Variants in TRDMT1 observed in about 807,000 individuals in gnomAD.
The protein encoded by TRDMT1 is tRNA (cytosine(38)-C(5))-methyltransferase.
A neutral mutation model predicts 51.2 loss-of-function variants in TRDMT1; 49 were observed. The ratio of observed to expected loss-of-function variants is 0.96; its 90% CI spans 0.76 to 1.21. The LOEUF (loss-of-function observed/expected upper bound fraction) is 1.21. Among genes scored for constraint, TRDMT1 ranks in the 50% most tolerant of loss-of-function variants. The probability of loss-of-function intolerance (pLI) is 0.00; values close to 1 mark genes in which losing one functional copy is unlikely to be tolerated. For synonymous variants in TRDMT1, 187 were observed against 164.6 expected (o/e 1.14, Z -1.04); for missense variants, 534 against 462.3 (o/e 1.16, Z -1.42).
At chr10:17,200,967 A>G (rs1846075412) in intron 1 of TRDMT1, among the ~76,000 whole-genome samples, 1 of 152,228 alleles carries the variant, frequency 6.6e-6, no homozygotes, top group South Asian at 2.1e-4. Flanking sequence ...CCAACGTCAC[A>G]CTGCCACCAA....
At chr10:17,177,786 ATTC>A (rs1409962558) in intron 1 of TRDMT1, among the ~76,000 whole-genome samples, 1 of 151,224 alleles carries the variant, frequency 6.6e-6, no homozygotes, top group Admixed American at 6.6e-5. Context: ...TTTTCTGATG[ATTC>A]TTCTTTCTGG....
intron 1 of TRDMT1, 56 bp from the exon 2 acceptor site, chr10:17,174,716 A>G (rs1233175468): frequency 7.7e-7 from 1 of 1,291,194 alleles, no homozygotes; most frequent in African/African-American, 1.5e-5. Flanking sequence ...CATTATAGAA[A>G]GAAATCAAAA....
In TRDMT1 at chr10:17,148,382, A is replaced by C; in HGVS notation, c.*658T>G. 2 of 985,458 alleles carry C rather than the reference A, an allele frequency of 2.0e-6. No individual in the cohort carries two copies. Among genetic ancestry groups the C allele is most frequent in the Non-Finnish European group, 2.4e-6 (2 of 829,944 alleles). The allele number at this position is 985,458 out of a possible 1,614,324, so 61.0% of individuals were successfully genotyped here. On this transcript the variant is annotated 3_prime_UTR_variant, in exon 11 of 11. Coordinates refer to ENST00000377799, the MANE Select transcript of TRDMT1 (RefSeq NM_004412.7). ...AAGGAAAGTACATACAAAATGAAGA[A>C]GGAAAAATGAGTTTTGTCCTTCAGA...
chr10:17,173,909 C>T (rs1842339847), intron 2 of TRDMT1, among the ~76,000 whole-genome samples: 1 of 151,844 alleles, frequency 6.6e-6, no homozygotes, highest in Non-Finnish European at 1.5e-5. Context: ...GGACTACAGG[C>T]ATGTGCCAAC....
rs757797486 is a variant in TRDMT1, at chr10:17,201,611, C to T, written c.24G>A (p.Glu8=). Residue 8 remains glutamate (E), a synonymous_variant, in exon 1 of 11, where the codon GAG becomes GAA. Coordinates refer to ENST00000377799, the MANE Select transcript of TRDMT1 (RefSeq NM_004412.7). Reference sequence around the variant, plus strand: ...GCATGCCGCCCACGCCGCTGTATAGCTCCAGCACCCGCAGGGGCTCCATCC... The same window carrying T: ...GCATGCCGCCCACGCCGCTGTATAGTTCCAGCACCCGCAGGGGCTCCATCC... MEPLRVL[E]LYSGVGGMHH... The T allele has an allele frequency of 1.9e-6, 3 of 1,547,374 alleles. No individual in the cohort carries two copies. The highest frequency in any genetic ancestry group is 1.7e-6 in the Non-Finnish European group (2 of 1,145,402).
At position 17,162,865 on chromosome 10, in the gene TRDMT1, T is replaced by C. The variant is rs149163891; in HGVS notation, c.252-628A>G. 8.2e-3 allele frequency among the ~76,000 whole-genome samples: 1,244 copies of C among 152,248 alleles called. 21 individuals carry two copies. The highest frequency in any genetic ancestry group is 0.028 in the African/African-American group (1,164 of 41,550). ...CAATATGACAAATGACTTACATTAA[T>C]CAAAAAAGAACAAGAAGTCAATGCA... On this transcript the variant is annotated intron_variant, in intron 3 of 10. Coordinates refer to ENST00000377799, the MANE Select transcript of TRDMT1 (RefSeq NM_004412.7).
Position 17,147,942 on chromosome 10 carries a change from A to T in TRDMT1, c.*1098T>A. On this transcript the variant is annotated 3_prime_UTR_variant, in exon 11 of 11. Transcript: ENST00000377799. ...TTTACGTTCCCACAAGCAATGCACA[A>T]ACTTCCAATTTATCCACCTCTAAAT... 1.0e-6 allele frequency: 1 copy of T among 971,880 alleles called. No homozygotes were observed. 60.2% of individuals were successfully genotyped at this position (971,880 alleles called of 1,614,324 possible).
chr10:17,198,587 G>T (rs918662555), intron 1 of TRDMT1, among the ~76,000 whole-genome samples: 1 of 152,178 alleles, frequency 6.6e-6, no homozygotes, highest in East Asian at 1.9e-4. Context: ...TGTGTGGTAC[G>T]CAGAGTAGAC....
Position 17,140,060 on chromosome 10 carries a change from T to TTA in TRDMT1, c.*8979_*8980insTA, listed in dbSNP as rs1318793091. ...TGCTTTTTTTTTTTTTTTTTTTTTT[T>TTA]TTTGAGACAGAGTCTTGCCCTGTCA... is the stretch of plus-strand genomic sequence containing the variant. On this transcript the variant is annotated 3_prime_UTR_variant, in exon 11 of 11. Transcript: ENST00000377799. 1.5e-3 allele frequency among the ~76,000 whole-genome samples: 197 copies of TTA among 133,874 alleles called. 1 individual carries two copies. The highest frequency in any genetic ancestry group is 7.2e-3 in the Middle Eastern group (2 of 276). The allele number at this position is 133,874 out of a possible 152,430, so 87.8% of individuals were successfully genotyped here. A position where few individuals can be genotyped will look rare whatever the true frequency, so the allele number is the denominator to read the frequency against.
intron 1 of TRDMT1, among the ~76,000 whole-genome samples, chr10:17,190,072 A>G (rs533871296): frequency 1.3e-5 from 2 of 152,318 alleles, no homozygotes; most frequent in South Asian, 4.1e-4. Context: ...ATTAGTGGAT[A>G]TAAGTAAAAG....
In TRDMT1 at chr10:17,144,259, C is replaced by A. The variant is rs1588681902; in HGVS notation, c.*4781G>T. On this transcript the variant is annotated 3_prime_UTR_variant, in exon 11 of 11. Transcript: ENST00000377799. Reference sequence around the variant, plus strand: ...TAAACAAACATGTTCTCTATGTACACTCTTATAATTTCAATCTGTCCTGAT... The same window carrying A: ...TAAACAAACATGTTCTCTATGTACAATCTTATAATTTCAATCTGTCCTGAT... 2.0e-6 allele frequency: 2 copies of A among 985,608 alleles called. No homozygotes were observed. The highest frequency in any genetic ancestry group is 2.3e-4 in the East Asian group (2 of 8,806). The allele number at this position is 985,608 out of a possible 1,614,324, so 61.1% of individuals were successfully genotyped here.
In TRDMT1 at chr10:17,140,135, G is replaced by A. The variant is rs948995354; in HGVS notation, c.*8905C>T. On this transcript the variant is annotated 3_prime_UTR_variant, in exon 11 of 11. Transcript: ENST00000377799. ...ACGACCTCGGCTCACTGCAACCTCC[G>A]CCTCCCAGGTTCCAGTGAGTCTCCT... is the stretch of plus-strand genomic sequence containing the variant. Among the ~76,000 whole-genome samples, 12 of 126,714 alleles carry A rather than the reference G, an allele frequency of 9.5e-5. No homozygotes were observed. Among genetic ancestry groups the A allele is most frequent in the Admixed American group, 4.9e-4 (5 of 10,304 alleles). 83.1% of individuals were successfully genotyped at this position (126,714 alleles called of 152,430 possible). A position where few individuals can be genotyped will look rare whatever the true frequency, so the allele number is the denominator to read the frequency against.
At position 17,148,695 on chromosome 10, in the gene TRDMT1, C is replaced by T. The variant is rs1172624032; in HGVS notation, c.*345G>A. 2 of 984,492 alleles carry T rather than the reference C, an allele frequency of 2.0e-6. No individual in the cohort carries two copies. The highest frequency in any genetic ancestry group is 2.2e-4 in the East Asian group (2 of 9,048). The allele number at this position is 984,492 out of a possible 1,614,324, so 61.0% of individuals were successfully genotyped here. On this transcript the variant is annotated 3_prime_UTR_variant, in exon 11 of 11. Transcript: ENST00000377799. ...TAATTAACATAAAAATATGTTATGC[C>T]TGTTATGACACTTCACAAGATACTC...
At chr10:17,168,592 C>G (rs45615636) in intron 3 of TRDMT1, among the ~76,000 whole-genome samples, 44,637 of 151,978 alleles carry the variant, frequency 0.29, 6,786 homozygotes, top group Middle Eastern at 0.39. Flanking sequence ...GTTCTTGTGA[C>G]AGTGAATAAG....
chr10:17,192,260 G>A (rs1844788457), intron 1 of TRDMT1, among the ~76,000 whole-genome samples: 1 of 152,148 alleles, frequency 6.6e-6, no homozygotes, highest in African/African-American at 2.4e-5. Context: ...GAAGAACAAA[G>A]CCACCTGTTA....
At chr10:17,181,190 G>A (rs1843240951) in intron 1 of TRDMT1, among the ~76,000 whole-genome samples, 1 of 152,176 alleles carries the variant, frequency 6.6e-6, no homozygotes, top group Non-Finnish European at 1.5e-5. Context: ...CACACTCTCA[G>A]AGAGTGTTCT....
At chr10:17,185,276 T>G (rs995328173) in intron 1 of TRDMT1, among the ~76,000 whole-genome samples, 5 of 152,126 alleles carry the variant, frequency 3.3e-5, no homozygotes, top group Admixed American at 1.3e-4. Context: ...GTGCGGCACT[T>G]CTCAAAAGAA....
In TRDMT1 at chr10:17,146,415, G is replaced by T. The variant is rs1281172847; in HGVS notation, c.*2625C>A. The T allele has an allele frequency of 1.0e-6, 1 of 985,402 alleles. No homozygotes were observed. Among genetic ancestry groups the T allele is most frequent in the South Asian group, 4.7e-5 (1 of 21,294 alleles). The allele number at this position is 985,402 out of a possible 1,614,324, so 61.0% of individuals were successfully genotyped here. On this transcript the variant is annotated 3_prime_UTR_variant, in exon 11 of 11. Coordinates refer to ENST00000377799, the MANE Select transcript of TRDMT1 (RefSeq NM_004412.7). ...TTCCTCTTTCTTGCCTGCCACTGAG[G>T]ATTGTCAGGCTCTGACCCCTCCTAC...
intron 10 of TRDMT1, chr10:17,151,779 T>G (rs1838771152): frequency 1.2e-6 from 1 of 815,610 alleles, no homozygotes. Context: ...CTAAAACAAA[T>G]TTTACATTAT....
Sources: gnomAD v4.1 joint callset for allele counts (sites outside exome capture counted in the v4.1 genomes callset) on GRCh38, gnomAD v4.1.1 for gene constraint, MANE v1.5 for transcripts, NCBI Gene and HGNC (gene_info 2026-07-23, HGNC 2026-07-21) for gene names.